The following ANTXR1 variants were observed in gnomAD, a reference collection of about 807,000 sequenced individuals.
ANTXR1 encodes ANTXR cell adhesion molecule 1.
In ANTXR1, 19 loss-of-function variants were observed where a neutral mutation model predicts 78.1. The ratio of observed to expected loss-of-function variants is 0.24; its 90% CI spans 0.17 to 0.36. The LOEUF (loss-of-function observed/expected upper bound fraction) is 0.36, where lower values mean the gene tolerates loss of function less well. ANTXR1 is among the 10% of genes least tolerant of loss of function. The pLI, the probability that ANTXR1 is intolerant of heterozygous loss-of-function variation, is 1.00. For synonymous variants in ANTXR1, 273 were observed against 260.5 expected, an observed-to-expected ratio of 1.05 and a Z score of -0.46; for missense variants, 518 against 718.6, an observed-to-expected ratio of 0.72 and a Z score of 3.19.
chr2:69,120,404 G>A (rs970352351), intron 10 of ANTXR1, among the ~76,000 whole-genome samples: 10 of 152,142 alleles, frequency 6.6e-5, no homozygotes, highest in Admixed American at 2.6e-4. Flanking sequence ...GGTGGCTCAC[G>A]CCTGTAATCC....
chr2:69,155,535 T>C (rs1041672653), intron 13 of ANTXR1, among the ~76,000 whole-genome samples: 4 of 152,216 alleles, frequency 2.6e-5, no homozygotes, highest in Admixed American at 6.5e-5. Context: ...TCCGATATTA[T>C]TGAAATCTCA....
chr2:69,154,566 C>T (rs1437841747), intron 13 of ANTXR1, among the ~76,000 whole-genome samples: 1 of 152,224 alleles, frequency 6.6e-6, no homozygotes, highest in East Asian at 1.9e-4. Context: ...CAGCACCCCT[C>T]ACCACAGTCC....
chr2:69,234,655 T>C (rs1428970845), intron 17 of ANTXR1, among the ~76,000 whole-genome samples: 1 of 151,960 alleles, frequency 6.6e-6, no homozygotes, highest in African/African-American at 2.4e-5. Flanking sequence ...CCCAGCTACT[T>C]GGGAGGCTGA....
At chr2:69,117,499 T>G (rs1426272101) in intron 10 of ANTXR1, among the ~76,000 whole-genome samples, 2 of 152,234 alleles carry the variant, frequency 1.3e-5, no homozygotes, top group African/African-American at 2.4e-5. Flanking sequence ...TATGTGTGTG[T>G]ATCTATACAC....
At chr2:69,218,225 C>A (rs1211154112) in intron 17 of ANTXR1, among the ~76,000 whole-genome samples, 1 of 152,142 alleles carries the variant, frequency 6.6e-6, no homozygotes. Context: ...ATTAAGCTGG[C>A]AAGATTCAGC....
intron 3 of ANTXR1, among the ~76,000 whole-genome samples, chr2:69,048,596 C>G (rs954376937): frequency 1.1e-4 from 17 of 152,140 alleles, no homozygotes; most frequent in African/African-American, 3.9e-4. Flanking sequence ...CAGTTCTTCC[C>G]ACACCACTGT....
chr2:69,072,540 G>T (rs1670598931), intron 5 of ANTXR1, among the ~76,000 whole-genome samples: 1 of 152,176 alleles, frequency 6.6e-6, no homozygotes, highest in Admixed American at 6.5e-5. Context: ...AGTAGGTTTT[G>T]CCAACTGCTA....
In ANTXR1 at chr2:69,145,626, G is replaced by C. The variant is rs79971538; in HGVS notation, c.952-6543G>C. ...TATTGGCTACATAATCACTCCATGC[G>C]GTGGGCATCAGGCAGAATCCTGGTG... On this transcript the variant is annotated intron_variant, in intron 12 of 17. Transcript: ENST00000303714. The C allele has an allele frequency of 4.8e-6, 6 of 1,257,462 alleles. No individual in the cohort carries two copies. In the African/African-American group the frequency reaches 7.6e-5, roughly 16 times the overall value. The allele number at this position is 1,257,462 out of a possible 1,614,324, so 77.9% of individuals were successfully genotyped here.
intron 9 of ANTXR1, among the ~76,000 whole-genome samples, chr2:69,096,030 A>G (rs913360048): frequency 1.3e-5 from 2 of 152,108 alleles, no homozygotes; most frequent in South Asian, 2.1e-4. Context: ...AGGCCAAGGC[A>G]GGCAGATCAC....
At chr2:69,067,370 C>T (rs1670429444) in intron 3 of ANTXR1, among the ~76,000 whole-genome samples, 1 of 148,480 alleles carries the variant, frequency 6.7e-6, no homozygotes, top group Non-Finnish European at 1.5e-5. Context: ...GAGAAAATAT[C>T]CCAGTTCCCA....
intron 14 of ANTXR1, among the ~76,000 whole-genome samples, chr2:69,180,344 A>G (rs1248048553): frequency 6.6e-6 from 1 of 152,058 alleles, no homozygotes; most frequent in Non-Finnish European, 1.5e-5. Context: ...TGCTTTATCA[A>G]CCCCTTTTCC....
At chr2:69,141,690 CT>C (rs1430823454) in intron 12 of ANTXR1, among the ~76,000 whole-genome samples, 3 of 152,174 alleles carry the variant, frequency 2.0e-5, no homozygotes, top group Non-Finnish European at 4.4e-5. Context: ...TGAAAAAATG[CT>C]GAAGAATGAA....
intron 3 of ANTXR1, among the ~76,000 whole-genome samples, chr2:69,052,195 A>G (rs1272984809): frequency 2.0e-5 from 3 of 152,110 alleles, no homozygotes; most frequent in Non-Finnish European, 2.9e-5. Context: ...CATTGAATAT[A>G]TATGAATACA....
intron 12 of ANTXR1, among the ~76,000 whole-genome samples, chr2:69,151,425 T>C (rs1673392755): frequency 6.6e-6 from 1 of 152,108 alleles, no homozygotes; most frequent in Non-Finnish European, 1.5e-5. Context: ...GCAGCTTCCT[T>C]GAACCAGCAA....
chr2:69,115,194 G>C (rs559790600), intron 10 of ANTXR1, among the ~76,000 whole-genome samples: 1 of 152,318 alleles, frequency 6.6e-6, no homozygotes, highest in East Asian at 1.9e-4. Context: ...TGCCCCTTGA[G>C]GGGCAAAATC....
At chr2:69,221,910 A>G (rs1388019184) in intron 17 of ANTXR1, among the ~76,000 whole-genome samples, 1 of 152,114 alleles carries the variant, frequency 6.6e-6, no homozygotes, top group Non-Finnish European at 1.5e-5. Context: ...AGAGAGAGAG[A>G]AGCAGATGTG....
intron 3 of ANTXR1, among the ~76,000 whole-genome samples, chr2:69,059,512 C>T (rs1375900331): frequency 1.3e-5 from 2 of 149,874 alleles, no homozygotes; most frequent in Non-Finnish European, 3.0e-5. Context: ...GAGTTTTGCT[C>T]TTGTTGCCCA....
At chr2:69,219,914 A>AT (rs113657861) in intron 17 of ANTXR1, among the ~76,000 whole-genome samples, 7,508 of 151,510 alleles carry the variant, frequency 0.05, 647 homozygotes, top group African/African-American at 0.17. Flanking sequence ...ATCCTTCCTG[A>AT]TTTTTTTTTG....
chr2:69,056,760 G>A (rs1181577636), intron 3 of ANTXR1, among the ~76,000 whole-genome samples: 3 of 152,180 alleles, frequency 2.0e-5, no homozygotes, highest in Non-Finnish European at 4.4e-5. Flanking sequence ...TACAACTTCC[G>A]CCTCCTGGGT....
Sources: allele counts gnomAD v4.1 joint callset (sites outside exome capture counted in the v4.1 genomes callset), GRCh38; gene constraint gnomAD v4.1.1; transcripts MANE v1.5; gene names NCBI Gene and HGNC (gene_info 2026-07-23, HGNC 2026-07-21).